Variants in CNOT4 observed in about 807,000 individuals in gnomAD.
The protein encoded by CNOT4 is CCR4-NOT transcription complex subunit 4.
In CNOT4, 8 loss-of-function variants were observed where a neutral mutation model predicts 73.8. The ratio of observed to expected loss-of-function variants is 0.11; its 90% CI spans 0.06 to 0.20. The LOEUF (loss-of-function observed/expected upper bound fraction) is 0.20, where lower values mean the gene tolerates loss of function less well. Ranked by LOEUF, CNOT4 falls within the 10% of genes least tolerant of loss-of-function variation. The pLI, the probability that CNOT4 is intolerant of heterozygous loss-of-function variation, is 1.00. For synonymous variants in CNOT4, 293 were observed against 321.1 expected (o/e 0.91, Z 0.94); for missense variants, 564 against 883.4 (o/e 0.64, Z 4.58).
At chr7:135,388,262 T>G in intron 10 of CNOT4, 1 of 985,298 alleles carries the variant, frequency 1.0e-6, no homozygotes, top group Non-Finnish European at 1.2e-6. Flanking sequence ...TTATAGGATA[T>G]AAATCTAGAC....
chr7:135,479,270 G>A (rs1011123292), intron 1 of CNOT4, among the ~76,000 whole-genome samples: 2 of 126,954 alleles, frequency 1.6e-5, no homozygotes, highest in Non-Finnish European at 3.1e-5. Flanking sequence ...GTGCAGTAGT[G>A]TGATCTCGGC....
chr7:135,436,344 T>C (rs1323479037), intron 2 of CNOT4, among the ~76,000 whole-genome samples: 1 of 149,412 alleles, frequency 6.7e-6, no homozygotes, highest in African/African-American at 2.5e-5. Context: ...CTTCATAACA[T>C]CCCAAAGGGA....
intron 10 of CNOT4, among the ~76,000 whole-genome samples, chr7:135,391,071 T>G (rs1013092851): frequency 3.9e-5 from 6 of 152,220 alleles, no homozygotes; most frequent in Middle Eastern, 3.4e-3. Flanking sequence ...CAGGTGCAAG[T>G]GAGTTACAAC....
At chr7:135,498,367 C>T (rs1222804410) in intron 1 of CNOT4, among the ~76,000 whole-genome samples, 1 of 152,162 alleles carries the variant, frequency 6.6e-6, no homozygotes, top group East Asian at 1.9e-4. Context: ...AACATGAATA[C>T]ACCATCTATC....
In CNOT4 at chr7:135,379,899, C is replaced by T. The variant is rs948389383; in HGVS notation, c.1627+14019G>A. Among the ~76,000 whole-genome samples, 6 of 152,216 alleles carry T rather than the reference C, an allele frequency of 3.9e-5. No homozygotes were observed. In the South Asian group the frequency reaches 1.2e-3, roughly 32 times the overall value. The stretch of plus-strand genomic sequence containing the variant: ...AGTTCTAGATCACTACTTTCTGTTC[C>T]ATCAATACATTATTTCAGTATGCAA... On this transcript the variant is annotated intron_variant, in intron 10 of 11. Coordinates refer to ENST00000541284, the MANE Select transcript of CNOT4 (RefSeq NM_001190850.2).
chr7:135,385,986 T>G (rs1796099793), intron 10 of CNOT4, among the ~76,000 whole-genome samples: 1 of 152,010 alleles, frequency 6.6e-6, no homozygotes, highest in South Asian at 2.1e-4. Flanking sequence ...AAAACCAAAA[T>G]TCAATAATAG....
chr7:135,404,571 T>G (rs1353325792), intron 7 of CNOT4, among the ~76,000 whole-genome samples: 4 of 152,218 alleles, frequency 2.6e-5, no homozygotes, highest in African/African-American at 9.6e-5. Context: ...ATGAACTATG[T>G]CTTTTCTAAA....
chr7:135,431,313 G>A (rs1388164660), intron 2 of CNOT4, among the ~76,000 whole-genome samples: 3 of 152,182 alleles, frequency 2.0e-5, no homozygotes, highest in Non-Finnish European at 4.4e-5. Flanking sequence ...GAGTAAAACT[G>A]TCTTTTTGCA....
intron 1 of CNOT4, among the ~76,000 whole-genome samples, chr7:135,455,276 T>TAAA (rs1168502259): frequency 7.9e-6 from 1 of 126,440 alleles, no homozygotes. Context: ...CCTGTTCTCC[T>TAAA]AAAAAAAAAA....
intron 2 of CNOT4, among the ~76,000 whole-genome samples, chr7:135,433,322 T>C (rs1304813423): frequency 6.6e-6 from 1 of 151,802 alleles, no homozygotes; most frequent in Admixed American, 6.6e-5. Context: ...TACTGTTCAC[T>C]GAATATTCTT....
rs1478015978 is a variant in CNOT4 at position 135,363,370 on chromosome 7, AC to A, written c.1841-185del. 6.6e-6 allele frequency among the ~76,000 whole-genome samples: 1 copy of A among 152,066 alleles called. No homozygotes were observed. The highest frequency in any genetic ancestry group is 1.5e-5 in the Non-Finnish European group (1 of 68,004). On this transcript the variant is annotated intron_variant, in intron 11 of 11. Coordinates refer to ENST00000541284, the MANE Select transcript of CNOT4 (RefSeq NM_001190850.2). This position sits in a 1 kb window ranked among gnomAD's most constrained non-coding sequence, Gnocchi z 4.3. ...CAACAAAGAACTTATTGGCACACAA[AC>A]CCATGCCTCCTCTTGAACTAGACTT...
At chr7:135,382,653 G>A (rs986933123) in intron 10 of CNOT4, among the ~76,000 whole-genome samples, 1 of 150,738 alleles carries the variant, frequency 6.6e-6, no homozygotes, top group African/African-American at 2.4e-5. Context: ...AACCAACATC[G>A]AATAGAAAAT....
chr7:135,442,485 G>A (rs187003999), intron 1 of CNOT4, among the ~76,000 whole-genome samples: 36 of 152,272 alleles, frequency 2.4e-4, no homozygotes, highest in Middle Eastern at 3.4e-3. Flanking sequence ...TGTAATCCCA[G>A]CTATTTGGGA....
intron 2 of CNOT4, among the ~76,000 whole-genome samples, chr7:135,424,081 ACACACACAC>A: frequency 8.9e-6 from 1 of 112,000 alleles, no homozygotes. Context: ...ACACACACAC[ACACACACAC>A]ATTTTTTATT....
At chr7:135,375,751 C>T (rs148049119) in intron 10 of CNOT4, among the ~76,000 whole-genome samples, 6 of 152,174 alleles carry the variant, frequency 3.9e-5, no homozygotes, top group East Asian at 3.9e-4. Context: ...AGAGAAACCC[C>T]GTCTCTGCTA....
intron 10 of CNOT4, among the ~76,000 whole-genome samples, chr7:135,370,417 T>A (rs1436452501): frequency 6.6e-6 from 1 of 152,218 alleles, no homozygotes; most frequent in African/African-American, 2.4e-5. Flanking sequence ...GAATGCTTTC[T>A]TGTTGTCTTC....
At chr7:135,409,746 A>G (rs2129484015) in intron 7 of CNOT4, among the ~76,000 whole-genome samples, 1 of 152,292 alleles carries the variant, frequency 6.6e-6, no homozygotes, top group South Asian at 2.1e-4. Context: ...TTCATTTGAT[A>G]AAAGTTAAAC....
intron 10 of CNOT4, chr7:135,387,625 C>A: frequency 1.0e-6 from 1 of 983,358 alleles, no homozygotes; most frequent in Non-Finnish European, 1.2e-6. Context: ...GTGTGACTTT[C>A]CCTTTCTTCC....
chr7:135,410,340 G>A (rs1490645929), intron 7 of CNOT4, among the ~76,000 whole-genome samples, 175 bp downstream of exon 7: 1 of 152,056 alleles, frequency 6.6e-6, no homozygotes, highest in African/African-American at 2.4e-5. Flanking sequence ...GGGAAAAGTA[G>A]GCAGCAAGCA....
Sources: gnomAD v4.1 joint callset for allele counts (sites outside exome capture counted in the v4.1 genomes callset) on GRCh38, gnomAD v4.1.1 for gene constraint, Gnocchi (gnomAD v3.1) non-coding constraint, MANE v1.5 for transcripts, NCBI Gene and HGNC (gene_info 2026-07-23, HGNC 2026-07-21) for gene names.